ZBTB40: variants seen among roughly 807,000 people sequenced by gnomAD.
ZBTB40 encodes the protein zinc finger and BTB domain containing 40.
Under a neutral mutation model 117.5 loss-of-function variants are expected in ZBTB40, and 60 were observed. The ratio of observed to expected loss-of-function variants is 0.51; its 90% CI spans 0.41 to 0.63. The LOEUF (loss-of-function observed/expected upper bound fraction) is 0.63, where lower values mean the gene tolerates loss of function less well. ZBTB40 is among the 30% of genes least tolerant of loss of function. The pLI is 0.00. For missense variants in ZBTB40, 1,287 were observed against 1,498.5 expected, an observed-to-expected ratio of 0.86 and a Z score of 2.33; for synonymous variants, 525 against 577.1, an observed-to-expected ratio of 0.91 and a Z score of 1.29.
At chr1:22,430,004 A>T in intron 1 of ZBTB40, among the ~76,000 whole-genome samples, 1 of 152,240 alleles carries the variant, frequency 6.6e-6, no homozygotes, top group East Asian at 1.9e-4. Flanking sequence ...TCTCAAAAAA[A>T]TAAAAAAAGT....
intron 13 of ZBTB40, among the ~76,000 whole-genome samples, chr1:22,519,340 C>T (rs1468305349): frequency 6.6e-6 from 1 of 152,228 alleles, no homozygotes; most frequent in African/African-American, 2.4e-5. Flanking sequence ...CATATCCAAT[C>T]AAGCATGTAG....
intron 1 of ZBTB40, among the ~76,000 whole-genome samples, chr1:22,471,627 C>T (rs1357915227): frequency 2.0e-5 from 3 of 152,200 alleles, no homozygotes; most frequent in East Asian, 1.9e-4. Context: ...GATGACCTTG[C>T]CAAAGGCATT....
chr1:22,491,534 G>A lies in ZBTB40; in HGVS notation c.831+1G>A, dbSNP rs552812076. ...AGAAATTAAAGGTCCACAGAAGGAGGTAGGCACCTCTGACTTTTGTACTTG... is the reference window on the plus strand; with the variant it reads ...AGAAATTAAAGGTCCACAGAAGGAGATAGGCACCTCTGACTTTTGTACTTG... On this transcript the variant is annotated splice_donor_variant, in intron 3 of 17. Transcript: ENST00000375647. LOFTEE classifies it high-confidence loss of function. The A allele has an allele frequency of 4.3e-6, 7 of 1,613,710 alleles. No individual in the cohort carries two copies. The highest frequency in any genetic ancestry group is 5.9e-6 in the Non-Finnish European group (7 of 1,179,842).
chr1:22,462,240 A>G (rs551038463), intron 1 of ZBTB40, among the ~76,000 whole-genome samples: 21 of 152,336 alleles, frequency 1.4e-4, no homozygotes, highest in African/African-American at 5.1e-4. Flanking sequence ...TCAGTGGTCA[A>G]AGTTTCGGCT....
At chr1:22,499,305 G>A (rs771047360) in intron 3 of ZBTB40, among the ~76,000 whole-genome samples, 4 of 152,204 alleles carry the variant, frequency 2.6e-5, no homozygotes, top group African/African-American at 4.8e-5. Flanking sequence ...AGGCAAGATG[G>A]AAGTCAAACT....
rs181825097 is a variant in ZBTB40 at position 22,445,774 on chromosome 1, G to A, written c.-70+16760G>A. ...GGAGGCTGAGGCAGCAGAATTGCTC[G>A]AACCTGGGAGGTGGAGGTTGCAGTG... On this transcript the variant is annotated intron_variant, in intron 1 of 8. Transcript: ENST00000650433. 4.6e-5 allele frequency among the ~76,000 whole-genome samples: 7 copies of A among 150,932 alleles called. No individual in the cohort carries two copies. The East Asian group carries it at 1.2e-3, about 25-fold the overall frequency.
At chr1:22,441,708 C>T (rs1402368461) in intron 1 of ZBTB40, among the ~76,000 whole-genome samples, 2 of 152,034 alleles carry the variant, frequency 1.3e-5, no homozygotes, top group Non-Finnish European at 2.9e-5. Flanking sequence ...GTCTCAAACT[C>T]CTGACCTCAG....
chr1:22,433,481 A>C (rs1378618374), intron 1 of ZBTB40, among the ~76,000 whole-genome samples: 1 of 105,648 alleles, frequency 9.5e-6, no homozygotes, highest in Non-Finnish European at 2.1e-5. Context: ...ATGGTACAAC[A>C]ACCATTTACC....
chr1:22,469,331 C>T (rs1349256148), intron 1 of ZBTB40, among the ~76,000 whole-genome samples: 1 of 151,660 alleles, frequency 6.6e-6, no homozygotes, highest in East Asian at 1.9e-4. Flanking sequence ...TTTTAAGAGA[C>T]ACAGTCTCAC....
Position 22,511,825 on chromosome 1 carries a change from C to T in ZBTB40, c.2152C>T (p.Pro718Ser), listed in dbSNP as rs748065450. 51 of 1,614,006 alleles carry T rather than the reference C, an allele frequency of 3.2e-5. No individual in the cohort carries two copies. Among genetic ancestry groups the T allele is most frequent in the Non-Finnish European group, 4.2e-5 (50 of 1,180,030 alleles). ...TGATCAAGGAGAGACTGGTTCCTTGCCAGGACAGCAAGAGAAAGAGGCTTC... is the reference window on the plus strand; with the variant it reads ...TGATCAAGGAGAGACTGGTTCCTTGTCAGGACAGCAAGAGAAAGAGGCTTC... ...QNDQGETGSL[P>S]GQQEKEASAS... Residue 718 changes from proline to serine, a missense_variant, in exon 11 of 18, where the codon CCA becomes TCA. Physicochemically the swap from Pro to Ser is moderately conservative, Grantham distance 74. Transcript: ENST00000375647.
intron 1 of ZBTB40, among the ~76,000 whole-genome samples, chr1:22,472,242 G>T: frequency 6.6e-6 from 1 of 151,194 alleles, no homozygotes; most frequent in Non-Finnish European, 1.5e-5. Context: ...GGAGTACACT[G>T]GTACAAACAT....
At chr1:22,469,962 T>G (rs1641361836) in intron 1 of ZBTB40, among the ~76,000 whole-genome samples, 1 of 152,238 alleles carries the variant, frequency 6.6e-6, no homozygotes, top group Non-Finnish European at 1.5e-5. Context: ...TGGTTGAATT[T>G]TAATCAACAT....
intron 1 of ZBTB40, among the ~76,000 whole-genome samples, chr1:22,435,333 T>G (rs1171554321): frequency 1.3e-5 from 2 of 152,214 alleles, no homozygotes; most frequent in Non-Finnish European, 2.9e-5. Context: ...GCATATACAT[T>G]GGTATTTTAT....
rs781407518 is a variant in ZBTB40, at chr1:22,522,423, G to A, written c.3258G>A (p.Thr1086=). The change falls in exon 16 of 18, where the codon ACG becomes ACA. Residue 1086 remains threonine, a synonymous_variant. Coordinates refer to ENST00000375647, the MANE Select transcript of ZBTB40 (RefSeq NM_014870.4). Reference sequence around the variant, plus strand: ...ACCAGTGTAAGGAGCTCTTCCCCACGCCAGCCTTGCTGCAGGTTCATGTCA... The same window carrying A: ...ACCAGTGTAAGGAGCTCTTCCCCACACCAGCCTTGCTGCAGGTTCATGTCA... The part of the protein sequence containing the change: ...ECDQCKELFP[T]PALLQVHVKC... 50 of 1,614,154 alleles carry A rather than the reference G, an allele frequency of 3.1e-5. No individual in the cohort carries two copies. The highest frequency in any genetic ancestry group is 1.3e-4 in the East Asian group (6 of 44,878).
At chr1:22,437,640 G>A (rs1402475072) in intron 1 of ZBTB40, among the ~76,000 whole-genome samples, 5 of 151,662 alleles carry the variant, frequency 3.3e-5, no homozygotes, top group African/African-American at 9.7e-5. Flanking sequence ...GGCTGGTCTC[G>A]AACTCCTGAC....
At chr1:22,516,515 C>G (rs1639376946) in intron 12 of ZBTB40, among the ~76,000 whole-genome samples, 1 of 152,168 alleles carries the variant, frequency 6.6e-6, no homozygotes, top group Non-Finnish European at 1.5e-5. Flanking sequence ...CCCCAGGCTC[C>G]TCAATAATTT....
intron 1 of ZBTB40, among the ~76,000 whole-genome samples, chr1:22,431,079 CTTCTTT>C (rs1640573793): frequency 2.0e-5 from 3 of 151,674 alleles, no homozygotes; most frequent in Admixed American, 2.0e-4. Context: ...TTTGTTCTCT[CTTCTTT>C]ATCAGTTTCT....
chr1:22,462,064 T>A (rs1641145859), intron 1 of ZBTB40, among the ~76,000 whole-genome samples: 1 of 152,202 alleles, frequency 6.6e-6, no homozygotes, highest in South Asian at 2.1e-4. Flanking sequence ...CTGCACAGAA[T>A]AAGTAGGCTC....
chr1:22,465,879 A>AT (rs1641243177), intron 1 of ZBTB40, among the ~76,000 whole-genome samples: 1 of 152,186 alleles, frequency 6.6e-6, no homozygotes, highest in Non-Finnish European at 1.5e-5. Context: ...TCCGTGGAAC[A>AT]TGTAGCCCTG....
Sources: gnomAD v4.1 joint callset for allele counts (sites outside exome capture counted in the v4.1 genomes callset) on GRCh38, gnomAD v4.1.1 for gene constraint, MANE v1.5 for transcripts, NCBI Gene and HGNC (gene_info 2026-07-23, HGNC 2026-07-21) for gene names.